Variants in ATP8A2 observed in about 807,000 individuals in gnomAD.
ATP8A2 encodes the protein ATPase phospholipid transporting 8A2.
In ATP8A2, 100 loss-of-function variants were observed where a neutral mutation model predicts 165.6. The observed-to-expected ratio is 0.60, with a 90% CI of 0.51 to 0.71. The LOEUF (loss-of-function observed/expected upper bound fraction) is 0.71. ATP8A2 is among the 30% of genes least tolerant of loss of function. The pLI, the probability that ATP8A2 is intolerant of heterozygous loss-of-function variation, is 0.00. For synonymous variants in ATP8A2, 543 were observed against 548.8 expected, an observed-to-expected ratio of 0.99 and a Z score of 0.15; for missense variants, 1,227 against 1,479.5, an observed-to-expected ratio of 0.83 and a Z score of 2.80.
intron 25 of ATP8A2, among the ~76,000 whole-genome samples, chr13:25,712,803 G>A (rs577310030): frequency 1.3e-5 from 2 of 152,298 alleles, no homozygotes; most frequent in East Asian, 3.9e-4. Context: ...TCGGAAAGTC[G>A]GGTAGGGATG....
At chr13:25,848,051 A>T (rs953762726) in intron 30 of ATP8A2, among the ~76,000 whole-genome samples, 1 of 152,180 alleles carries the variant, frequency 6.6e-6, no homozygotes, top group Non-Finnish European at 1.5e-5. Context: ...TCCTCCCTGT[A>T]AGAACCCCAG....
In ATP8A2 at chr13:25,925,730, C is replaced by CT. The variant is rs11299784; in HGVS notation, c.3184-35830dup. Among the ~76,000 whole-genome samples the CT allele has an allele frequency of 3.3e-3, 452 of 137,278 alleles. 3 individuals carry two copies. Among genetic ancestry groups the CT allele is most frequent in the African/African-American group, 0.011 (424 of 37,884 alleles). The allele number at this position is 137,278 out of a possible 152,430, so 90.1% of individuals were successfully genotyped here. A position where few individuals can be genotyped will look rare whatever the true frequency, so the allele number is the denominator to read the frequency against. On this transcript the variant is annotated intron_variant, in intron 33 of 36. Coordinates refer to ENST00000381655, the MANE Select transcript of ATP8A2 (RefSeq NM_016529.6). ...AATTAACTTGGCTAAAGTTGTCAAT[C>CT]TTTTTTTTTTTTTTTGAGACGGAGT...
intron 2 of ATP8A2, among the ~76,000 whole-genome samples, chr13:25,471,516 T>C (rs2035845857): frequency 6.6e-6 from 1 of 152,198 alleles, no homozygotes; most frequent in Non-Finnish European, 1.5e-5. Flanking sequence ...CTAATTTTTG[T>C]ATTTTTAGTA....
chr13:25,409,507 A>G (rs1331663192), intron 1 of ATP8A2, among the ~76,000 whole-genome samples: 1 of 152,232 alleles, frequency 6.6e-6, no homozygotes, highest in Non-Finnish European at 1.5e-5. Flanking sequence ...GAATGATAAT[A>G]TCTTCTTTCA....
chr13:25,409,630 T>C (rs12867463), intron 1 of ATP8A2, among the ~76,000 whole-genome samples: 37,350 of 152,038 alleles, frequency 0.25, 5,760 homozygotes, highest in Non-Finnish European at 0.33. Context: ...AGGGAAAATA[T>C]TGAGAATTTT....
chr13:25,660,083 T>C (rs974123866), intron 24 of ATP8A2, among the ~76,000 whole-genome samples: 1 of 152,166 alleles, frequency 6.6e-6, no homozygotes, highest in Non-Finnish European at 1.5e-5. Flanking sequence ...GTTGGACAAG[T>C]TTAGCTCTTC....
At position 25,753,808 on chromosome 13, in the gene ATP8A2, C is replaced by T. The variant is rs1001767207; in HGVS notation, c.2385-15238C>T. On this transcript the variant is annotated intron_variant, in intron 25 of 36. Transcript: ENST00000381655. ...AAGACAAACACCACTTATGTCAAAA[C>T]GCAGGCCCCAGAGTTAAGGAAAAGT... Among the ~76,000 whole-genome samples the T allele has an allele frequency of 2.6e-5, 4 of 152,306 alleles. No homozygotes were observed. The Middle Eastern group carries it at 0.01, about 389-fold the overall frequency.
At chr13:25,808,093 T>G (rs1375552284) in intron 27 of ATP8A2, among the ~76,000 whole-genome samples, 1 of 152,036 alleles carries the variant, frequency 6.6e-6, no homozygotes, top group Non-Finnish European at 1.5e-5. Flanking sequence ...CATAAACATT[T>G]TTTAGCCCAA....
intron 33 of ATP8A2, among the ~76,000 whole-genome samples, chr13:25,881,792 C>T (rs1408427646): frequency 6.6e-6 from 1 of 152,178 alleles, no homozygotes; most frequent in Non-Finnish European, 1.5e-5. Context: ...TCAGCCTCAT[C>T]AGAGGGCTTG....
intron 2 of ATP8A2, among the ~76,000 whole-genome samples, chr13:25,499,683 C>T (rs1489439454): frequency 1.3e-5 from 2 of 152,192 alleles, no homozygotes; most frequent in East Asian, 1.9e-4. Context: ...GCCAAACACA[C>T]GTACTGGTTC....
intron 10 of ATP8A2, among the ~76,000 whole-genome samples, chr13:25,549,284 C>T (rs994331066): frequency 6.6e-6 from 1 of 151,892 alleles, no homozygotes; most frequent in East Asian, 1.9e-4. Context: ...ATGGTGAAAC[C>T]CCATTTCTAC....
intron 1 of ATP8A2, among the ~76,000 whole-genome samples, chr13:25,413,281 T>G (rs867018161): frequency 0.045 from 6,101 of 135,248 alleles, 399 homozygotes; most frequent in African/African-American, 0.18. Context: ...TTTCTTTGTT[T>G]TTTTTTTTTT....
At chr13:25,650,587 T>G (rs1040379077) in intron 24 of ATP8A2, among the ~76,000 whole-genome samples, 2 of 152,198 alleles carry the variant, frequency 1.3e-5, no homozygotes, top group African/African-American at 2.4e-5. Flanking sequence ...CAAACAGAAG[T>G]AGCGTTAAGG....
intron 25 of ATP8A2, among the ~76,000 whole-genome samples, chr13:25,737,966 G>A (rs1349670094): frequency 6.6e-6 from 1 of 152,270 alleles, no homozygotes; most frequent in Non-Finnish European, 1.5e-5. Context: ...TTACAGGCGT[G>A]AGCCATCACA....
intron 33 of ATP8A2, 105 bp downstream of exon 33, chr13:25,862,513 C>T (rs1952389286): frequency 3.6e-6 from 3 of 832,438 alleles, no homozygotes; most frequent in African/African-American, 3.3e-5. Flanking sequence ...CGATGAGCTT[C>T]AGGAGAGGCT....
intron 24 of ATP8A2, among the ~76,000 whole-genome samples, chr13:25,666,407 A>G (rs2042156361): frequency 6.6e-6 from 1 of 151,216 alleles, no homozygotes; most frequent in Non-Finnish European, 1.5e-5. Flanking sequence ...ATGTATGTGT[A>G]TATATATATA....
intron 34 of ATP8A2, among the ~76,000 whole-genome samples, chr13:25,963,416 GAAAAGAAAAAGA>G (rs201616770): frequency 6.8e-6 from 1 of 147,994 alleles, no homozygotes; most frequent in Non-Finnish European, 1.5e-5. Context: ...AAAAAGAAAA[GAAAAGAAAAAGA>G]AAAAGAAAAG....
At chr13:25,485,927 T>C (rs779503233) in intron 2 of ATP8A2, among the ~76,000 whole-genome samples, 6 of 152,018 alleles carry the variant, frequency 3.9e-5, no homozygotes, top group Non-Finnish European at 8.8e-5. Flanking sequence ...ATTGACAACA[T>C]TGCTCCTATA....
rs531883415 is a variant in ATP8A2 at position 25,898,925 on chromosome 13, T to C, written c.3183+36517T>C. 5.9e-5 allele frequency among the ~76,000 whole-genome samples: 9 copies of C among 152,308 alleles called. No individual in the cohort carries two copies. In the South Asian group the frequency reaches 1.9e-3, roughly 32 times the overall value. ...GTGACCCGATTTTCCAGGTGCTGTTTGTCACCCCTTTCTTTGACTAGGAAA... is the reference window on the plus strand; with the variant it reads ...GTGACCCGATTTTCCAGGTGCTGTTCGTCACCCCTTTCTTTGACTAGGAAA... On this transcript the variant is annotated intron_variant, in intron 33 of 36. Coordinates refer to ENST00000381655, the MANE Select transcript of ATP8A2 (RefSeq NM_016529.6).
Sources: allele counts gnomAD v4.1 joint callset (sites outside exome capture counted in the v4.1 genomes callset), GRCh38; gene constraint gnomAD v4.1.1; transcripts MANE v1.5; gene names NCBI Gene and HGNC (gene_info 2026-07-23, HGNC 2026-07-21).